Variants in ZFR observed in about 807,000 individuals in gnomAD.
ZFR encodes the protein zinc finger RNA binding protein.
ZFR carries 19 observed loss-of-function variants against 130.7 expected under a neutral mutation model. The ratio of observed to expected loss-of-function variants is 0.15; its 90% confidence interval spans 0.10 to 0.21. ZFR has a LOEUF of 0.21. Ranked by LOEUF, ZFR falls within the 10% of genes least tolerant of loss-of-function variation. The probability of loss-of-function intolerance (pLI) is 1.00; values close to 1 mark genes in which losing one functional copy is unlikely to be tolerated. For synonymous variants in ZFR, 466 were observed against 456.9 expected, an observed-to-expected ratio of 1.02 and a Z score of -0.25; for missense variants, 872 against 1,321.5, an observed-to-expected ratio of 0.66 and a Z score of 5.27.
At chr5:32,426,114 A>T (rs1364930705) in intron 2 of ZFR, among the ~76,000 whole-genome samples, 1 of 152,224 alleles carries the variant, frequency 6.6e-6, no homozygotes, top group Non-Finnish European at 1.5e-5. Flanking sequence ...AATTAATAGA[A>T]ACCTAGCAGA....
intron 11 of ZFR, chr5:32,394,387 A>C (rs1484057186): frequency 5.9e-6 from 1 of 169,356 alleles, no homozygotes; most frequent in East Asian, 1.9e-4. Context: ...AGTTGATGCA[A>C]AAATAATCGC....
At chr5:32,396,079 C>A (rs1561887994) in intron 10 of ZFR, among the ~76,000 whole-genome samples, 1 of 151,950 alleles carries the variant, frequency 6.6e-6, no homozygotes, top group South Asian at 2.1e-4. Flanking sequence ...GCTAGCCAGG[C>A]ATGGTGGCAC....
chr5:32,425,969 A>G (rs1034645158), intron 2 of ZFR, among the ~76,000 whole-genome samples: 1 of 152,260 alleles, frequency 6.6e-6, no homozygotes, highest in Non-Finnish European at 1.5e-5. Flanking sequence ...TTGAGTCTGT[A>G]ATGGTTATTC....
At chr5:32,393,468 T>C (rs1753226611) in intron 11 of ZFR, among the ~76,000 whole-genome samples, 1 of 152,052 alleles carries the variant, frequency 6.6e-6, no homozygotes, top group South Asian at 2.1e-4. Flanking sequence ...CTCAGCCTCC[T>C]GAGTAGCCGG....
At chr5:32,433,496 C>A (rs1754265795) in intron 2 of ZFR, among the ~76,000 whole-genome samples, 1 of 152,162 alleles carries the variant, frequency 6.6e-6, no homozygotes, top group Non-Finnish European at 1.5e-5. Flanking sequence ...CAAGTTCTAT[C>A]TGGTTCATCA....
chr5:32,417,540 A>G, intron 4 of ZFR, 108 bp downstream of exon 4: 2 of 1,390,586 alleles, frequency 1.4e-6, no homozygotes. Flanking sequence ...GCCTCCTAAG[A>G]TGATGTGATA....
chr5:32,416,043 G>T (rs1214144149), intron 4 of ZFR, among the ~76,000 whole-genome samples: 1 of 151,680 alleles, frequency 6.6e-6, no homozygotes, highest in African/African-American at 2.4e-5. Flanking sequence ...ATGGCTCACT[G>T]CAACCTCAAA....
intron 2 of ZFR, among the ~76,000 whole-genome samples, chr5:32,422,811 A>AAAG (rs1753986162): frequency 6.7e-6 from 1 of 149,240 alleles, no homozygotes; most frequent in Non-Finnish European, 1.5e-5. Context: ...AAAAAAAAAA[A>AAAG]AAAAAAAAAA....
intron 19 of ZFR, among the ~76,000 whole-genome samples, chr5:32,360,172 A>G (rs1752401412): frequency 6.6e-6 from 1 of 152,190 alleles, no homozygotes; most frequent in South Asian, 2.1e-4. Context: ...TCACTTGATT[A>G]AACAGCAACT....
intron 19 of ZFR, among the ~76,000 whole-genome samples, chr5:32,359,175 G>A (rs1160861560): frequency 2.0e-5 from 3 of 151,812 alleles, no homozygotes; most frequent in South Asian, 2.1e-4. Context: ...CAGTGAAACC[G>A]TCTCAAAAAA....
Position 32,378,175 on chromosome 5 carries a change from G to A in ZFR, c.2835+940C>T, listed in dbSNP as rs545972832. On this transcript the variant is annotated intron_variant, in intron 17 of 19. Transcript: ENST00000265069. The stretch of plus-strand genomic sequence containing the variant: ...TATTTCAGCCCTAGCAATTTATTCC[G>A]CCCTCAAAAGCTTGACAACAATATA... Among the ~76,000 whole-genome samples, 27 of 151,998 alleles carry A rather than the reference G, an allele frequency of 1.8e-4. No individual in the cohort carries two copies. The South Asian group carries it at 1.9e-3, about 11-fold the overall frequency.
chr5:32,359,945 A>AG (rs1411519924), intron 19 of ZFR, among the ~76,000 whole-genome samples: 1 of 151,264 alleles, frequency 6.6e-6, no homozygotes, highest in South Asian at 2.1e-4. Flanking sequence ...CTCCGTCTTA[A>AG]GGAAAAAAAA....
intron 11 of ZFR, among the ~76,000 whole-genome samples, chr5:32,391,168 C>A (rs1753163383): frequency 6.6e-6 from 1 of 152,228 alleles, no homozygotes; most frequent in Non-Finnish European, 1.5e-5. Context: ...CTCCATCCCA[C>A]CTATGAATCA....
Position 32,380,296 on chromosome 5 carries a change from T to A in ZFR, c.2642-124A>T, listed in dbSNP as rs1752905800. On this transcript the variant is annotated intron_variant, in intron 15 of 19. Transcript: ENST00000265069. Reference sequence around the variant, plus strand: ...TTGAGAGCTTGTTGGCACTTTAATATATCCACGGAGTTATTTTCAATAAAT... The same window carrying A: ...TTGAGAGCTTGTTGGCACTTTAATAAATCCACGGAGTTATTTTCAATAAAT... 15 of 587,538 alleles carry A rather than the reference T, an allele frequency of 2.6e-5. No homozygotes were observed. The South Asian group carries it at 3.5e-4, about 14-fold the overall frequency. The allele number at this position is 587,538 out of a possible 1,614,324, so 36.4% of individuals were successfully genotyped here.
intron 2 of ZFR, among the ~76,000 whole-genome samples, chr5:32,422,337 T>C (rs976830755): frequency 7.2e-5 from 11 of 152,156 alleles, no homozygotes; most frequent in Admixed American, 2.6e-4. Flanking sequence ...ATGTCTCAGT[T>C]TGAACAATAA....
Position 32,355,768 on chromosome 5 carries a change from T to C in ZFR, c.3217A>G (p.Asn1073Asp). 1 of 1,581,796 alleles carries C rather than the reference T, an allele frequency of 6.3e-7. No individual in the cohort carries two copies. Among genetic ancestry groups the C allele is most frequent in the Non-Finnish European group, 8.6e-7 (1 of 1,169,040 alleles). Residue 1073 changes from asparagine to aspartate, a missense_variant, in exon 20 of 20, where the codon AAC becomes GAC. Physicochemically the swap from Asn to Asp is conservative, Grantham distance 23. Coordinates refer to ENST00000265069, the MANE Select transcript of ZFR (RefSeq NM_016107.5). ...AGATTTACAGACACTTTTTAAAAGT[T>C]ATCATAATCTTTTTTGTCTTTTTTC... Reference protein sequence around the residue: ...EGKKDKKDYDNF With the variant: ...EGKKDKKDYDDF
rs1753144140 is a variant in ZFR, at chr5:32,390,499, C to G, written c.1980-62G>C. The G allele has an allele frequency of 3.4e-6, 5 of 1,461,678 alleles. No homozygotes were observed. In the East Asian group the frequency reaches 1.2e-4, roughly 34 times the overall value. The allele number at this position is 1,461,678 out of a possible 1,614,324, so 90.5% of individuals were successfully genotyped here. A position where few individuals can be genotyped will look rare whatever the true frequency, so the allele number is the denominator to read the frequency against. ...AAAAATACAGCCCAAGAACTTGCAT[C>G]AATAGTGACATAAAAAGCAATAAAA... On this transcript the variant is annotated intron_variant, in intron 11 of 19. Transcript: ENST00000265069.
At chr5:32,403,050 G>C in intron 8 of ZFR, 56 bp downstream of exon 8, 1 of 1,547,728 alleles carries the variant, frequency 6.5e-7, no homozygotes, top group South Asian at 1.2e-5. Context: ...GTGCTGCAAT[G>C]GAGAAGAAAC....
chr5:32,388,769 A>T (rs1753095989), intron 12 of ZFR, 95 bp from the exon 13 acceptor site: 1 of 1,120,256 alleles, frequency 8.9e-7, no homozygotes, highest in Non-Finnish European at 1.3e-6. Flanking sequence ...TATCTTTTCA[A>T]TAAGAAAGCC....
Sources: gnomAD v4.1 joint callset for allele counts (sites outside exome capture counted in the v4.1 genomes callset) on GRCh38, gnomAD v4.1.1 for gene constraint, MANE v1.5 for transcripts, NCBI Gene and HGNC (gene_info 2026-07-23, HGNC 2026-07-21) for gene names.